Variants in KLHL1 observed in about 807,000 individuals in gnomAD.
KLHL1 encodes the protein kelch-like protein 1.
Under a neutral mutation model 77.7 loss-of-function variants are expected in KLHL1, and 47 were observed. The observed-to-expected ratio is 0.60, with a 90% CI of 0.48 to 0.77. The LOEUF is 0.77. Ranked by LOEUF, KLHL1 falls within the 30% of genes least tolerant of loss-of-function variation. The probability of loss-of-function intolerance (pLI) is 0.00; values close to 1 mark genes in which losing one functional copy is unlikely to be tolerated. For synonymous variants in KLHL1, 360 were observed against 325.2 expected (o/e 1.11, Z -1.15); for missense variants, 925 against 910.8 (o/e 1.02, Z -0.20).
chr13:69,965,732 G>T (rs571059244), intron 2 of KLHL1, among the ~76,000 whole-genome samples: 2 of 152,280 alleles, frequency 1.3e-5, no homozygotes, highest in African/African-American at 4.8e-5. Context: ...TAAATTAAAA[G>T]TGCTACTCTA....
intron 7 of KLHL1, among the ~76,000 whole-genome samples, chr13:69,758,278 A>G (rs1874860222): frequency 6.6e-6 from 1 of 152,112 alleles, no homozygotes; most frequent in South Asian, 2.1e-4. Context: ...TCAATACAAA[A>G]GCTAATTTTA....
intron 4 of KLHL1, among the ~76,000 whole-genome samples, chr13:69,885,114 G>T (rs1412523509): frequency 7.0e-6 from 1 of 142,130 alleles, no homozygotes; most frequent in African/African-American, 2.9e-5. Context: ...CTAATTTTTT[G>T]TATTTTTAGT....
chr13:69,821,372 T>C (rs1479490075), intron 6 of KLHL1, among the ~76,000 whole-genome samples: 1 of 152,132 alleles, frequency 6.6e-6, no homozygotes, highest in African/African-American at 2.4e-5. Context: ...TGGAGTGCAG[T>C]GGCCTGATCT....
chr13:69,915,039 G>T (rs1481843594), intron 4 of KLHL1, among the ~76,000 whole-genome samples: 1 of 152,042 alleles, frequency 6.6e-6, no homozygotes, highest in African/African-American at 2.4e-5. Flanking sequence ...GGGACTTATG[G>T]TACTGCTCAT....
intron 1 of KLHL1, among the ~76,000 whole-genome samples, chr13:70,101,959 A>AAAAG (rs1887933518): frequency 9.9e-5 from 15 of 152,028 alleles, no homozygotes; most frequent in Admixed American, 9.8e-4. Context: ...GCAAAAAAAA[A>AAAAG]AAAACAAAGT....
chr13:69,807,281 T>C (rs1445532322), intron 6 of KLHL1, among the ~76,000 whole-genome samples: 1 of 151,952 alleles, frequency 6.6e-6, no homozygotes, highest in South Asian at 2.1e-4. Flanking sequence ...CAAGATACTA[T>C]TTTGAGAGTT....
intron 7 of KLHL1, among the ~76,000 whole-genome samples, chr13:69,781,979 C>T (rs1208456307): frequency 6.6e-6 from 1 of 152,162 alleles, no homozygotes; most frequent in African/African-American, 2.4e-5. Context: ...ATTCAATACT[C>T]AATTGCAGCA....
intron 8 of KLHL1, among the ~76,000 whole-genome samples, chr13:69,731,402 C>A (rs1007235603): frequency 6.6e-6 from 1 of 152,064 alleles, no homozygotes; most frequent in Non-Finnish European, 1.5e-5. Flanking sequence ...AATGGAAGAA[C>A]AACCAACCAT....
intron 4 of KLHL1, among the ~76,000 whole-genome samples, chr13:69,939,294 C>A (rs1489911456): frequency 7.2e-6 from 1 of 139,640 alleles, no homozygotes; most frequent in Non-Finnish European, 1.5e-5. Context: ...TTTAGATTCT[C>A]TACAAAGCTG....
At chr13:70,058,585 G>A (rs1333131983) in intron 1 of KLHL1, among the ~76,000 whole-genome samples, 3 of 152,052 alleles carry the variant, frequency 2.0e-5, no homozygotes, top group Admixed American at 1.3e-4. Flanking sequence ...GTCCAATATG[G>A]AAAAATATTG....
intron 1 of KLHL1, among the ~76,000 whole-genome samples, chr13:69,988,157 T>C (rs1884927252): frequency 1.3e-5 from 2 of 151,906 alleles, no homozygotes; most frequent in African/African-American, 4.8e-5. Flanking sequence ...GTTGTTCTGT[T>C]TCTGTCCATG....
At chr13:70,070,991 C>T (rs766140465) in intron 1 of KLHL1, among the ~76,000 whole-genome samples, 6 of 151,282 alleles carry the variant, frequency 4.0e-5, no homozygotes, top group South Asian at 2.1e-4. Flanking sequence ...CACAAAAAAT[C>T]GGAAGACAAA....
chr13:69,802,187 G>A (rs1282984795), intron 6 of KLHL1, among the ~76,000 whole-genome samples: 5 of 152,114 alleles, frequency 3.3e-5, no homozygotes, highest in Non-Finnish European at 7.3e-5. Flanking sequence ...CCCTGCAAAG[G>A]ACATAAATTC....
At position 69,771,691 on chromosome 13, in the gene KLHL1, G is replaced by A. The variant is rs78506833; in HGVS notation, c.1639+25047C>T. The stretch of plus-strand genomic sequence containing the variant: ...AGAGATACTAACGGTGAAGATATGT[G>A]GGTGCATAGTTTTTAGATTTGGGGG... On this transcript the variant is annotated intron_variant, in intron 7 of 10. Transcript: ENST00000377844. 5.1e-3 allele frequency among the ~76,000 whole-genome samples: 783 copies of A among 152,158 alleles called. 4 individuals carry two copies. The highest frequency in any genetic ancestry group is 0.017 in the African/African-American group (722 of 41,518).
intron 6 of KLHL1, among the ~76,000 whole-genome samples, chr13:69,837,666 GTGTGTATA>G (rs1222569705): frequency 1.6e-5 from 2 of 126,392 alleles, no homozygotes; most frequent in Admixed American, 7.9e-5. Context: ...ATGTGTGTGT[GTGTGTATA>G]TATATATATA....
chr13:69,822,939 CTT>C (rs141488961), intron 6 of KLHL1, among the ~76,000 whole-genome samples: 2,201 of 152,062 alleles, frequency 0.014, 52 homozygotes, highest in African/African-American at 0.049. Context: ...AAAAATATAA[CTT>C]TATGTTTTTA....
intron 1 of KLHL1, among the ~76,000 whole-genome samples, chr13:70,024,016 T>A (rs1462961127): frequency 6.6e-6 from 1 of 151,810 alleles, no homozygotes; most frequent in Non-Finnish European, 1.5e-5. Context: ...GTCAAAAATG[T>A]TTATCATGAG....
At chr13:70,009,559 C>T (rs546469505) in intron 1 of KLHL1, among the ~76,000 whole-genome samples, 2 of 151,966 alleles carry the variant, frequency 1.3e-5, no homozygotes, top group African/African-American at 2.4e-5. Flanking sequence ...TCCAGCGATG[C>T]GACTATAGGC....
intron 1 of KLHL1, among the ~76,000 whole-genome samples, chr13:70,073,557 T>A (rs1227938728): frequency 6.7e-6 from 1 of 150,136 alleles, no homozygotes; most frequent in Non-Finnish European, 1.5e-5. Context: ...TAAAGTGTAA[T>A]AAAAAAAAAA....
Sources: gnomAD v4.1 joint callset for allele counts (sites outside exome capture counted in the v4.1 genomes callset) on GRCh38, gnomAD v4.1.1 for gene constraint, MANE v1.5 for transcripts, NCBI Gene and HGNC (gene_info 2026-07-23, HGNC 2026-07-21) for gene names.